The following CSMD1 variants were observed in gnomAD, a reference collection of about 807,000 sequenced individuals.
CSMD1 encodes the protein CUB and sushi domain-containing protein 1.
Under a neutral mutation model 417.5 loss-of-function variants are expected in CSMD1, and 213 were observed. The ratio of observed to expected loss-of-function variants is 0.51; its 90% CI spans 0.46 to 0.57. The LOEUF (loss-of-function observed/expected upper bound fraction) is 0.57, where lower values mean the gene tolerates loss of function less well. Ranked by LOEUF, CSMD1 falls within the 20% of genes least tolerant of loss-of-function variation. The probability of loss-of-function intolerance (pLI) is 0.00; values close to 1 mark genes in which losing one functional copy is unlikely to be tolerated. For missense variants in CSMD1, 6,923 were observed against 4,529.7 expected, an observed-to-expected ratio of 1.53 and a Z score of -15.17; for synonymous variants, 2,862 against 1,736.8, an observed-to-expected ratio of 1.65 and a Z score of -16.11.
At chr8:3,855,887 TCTTGCTTTATA>T (rs1379830532) in intron 5 of CSMD1, among the ~76,000 whole-genome samples, 1 of 152,242 alleles carries the variant, frequency 6.6e-6, no homozygotes, top group African/African-American at 2.4e-5. Context: ...TGTCTTATTT[TCTTGCTTTATA>T]CTTGCATTGC....
At chr8:3,793,991 C>G (rs760845418) in intron 5 of CSMD1, among the ~76,000 whole-genome samples, 4 of 152,180 alleles carry the variant, frequency 2.6e-5, no homozygotes, top group Non-Finnish European at 5.9e-5. Context: ...CTTTCCTCTT[C>G]CTGAACCCCT....
chr8:3,967,314 A>G (rs1415204260), intron 5 of CSMD1, among the ~76,000 whole-genome samples: 1 of 152,074 alleles, frequency 6.6e-6, no homozygotes, highest in African/African-American at 2.4e-5. Context: ...TTACACCTGA[A>G]TGGAAATGAT....
chr8:4,981,011 C>T (rs1018165302), intron 1 of CSMD1, among the ~76,000 whole-genome samples: 3 of 152,064 alleles, frequency 2.0e-5, no homozygotes, highest in Non-Finnish European at 4.4e-5. Context: ...TATTATTTCA[C>T]TTAGAGAAGG....
At chr8:3,703,797 A>G (rs2981370) in intron 7 of CSMD1, among the ~76,000 whole-genome samples, 145,588 of 152,214 alleles carry the variant, frequency 0.96, 69,697 homozygotes, top group East Asian at 1. Flanking sequence ...TCAGCTGGGC[A>G]TGGTGGCTCA....
At chr8:3,077,227 G>A (rs1397213605) in intron 49 of CSMD1, among the ~76,000 whole-genome samples, 1 of 151,154 alleles carries the variant, frequency 6.6e-6, no homozygotes, top group South Asian at 2.1e-4. Context: ...TGGTCATGGA[G>A]GACTAAACAG....
intron 2 of CSMD1, among the ~76,000 whole-genome samples, chr8:4,550,767 A>G (rs1797836992): frequency 6.6e-6 from 1 of 152,156 alleles, no homozygotes; most frequent in East Asian, 1.9e-4. Context: ...CTGAGCCCGG[A>G]GGCAGTTTAA....
At chr8:3,491,080 C>T (rs1343458067) in intron 11 of CSMD1, among the ~76,000 whole-genome samples, 1 of 152,070 alleles carries the variant, frequency 6.6e-6, no homozygotes, top group South Asian at 2.1e-4. Flanking sequence ...AAAAAGTATG[C>T]CAATGTCTAC....
At chr8:3,400,433 A>T (rs1438287368) in intron 15 of CSMD1, among the ~76,000 whole-genome samples, 1 of 152,124 alleles carries the variant, frequency 6.6e-6, no homozygotes, top group Non-Finnish European at 1.5e-5. Flanking sequence ...TAAAAATGCA[A>T]AAAGTTTATA....
At position 4,106,239 on chromosome 8, in the gene CSMD1, C is replaced by G. The variant is rs141644658; in HGVS notation, c.416-74140G>C. Among the ~76,000 whole-genome samples the G allele has an allele frequency of 4.9e-3, 747 of 152,334 alleles. 3 individuals carry two copies. The highest frequency in any genetic ancestry group is 0.014 in the African/African-American group (586 of 41,578). ...ATTGGGTCAGGGAGTGATCTATAAA[C>G]TTCCGAGCAGGATAAACACAAGTAT... On this transcript the variant is annotated intron_variant, in intron 3 of 69. Coordinates refer to ENST00000635120, the MANE Select transcript of CSMD1 (RefSeq NM_033225.6).
At chr8:4,354,865 A>AGTGTGTGTGTGT (rs59255397) in intron 3 of CSMD1, among the ~76,000 whole-genome samples, 7,311 of 129,358 alleles carry the variant, frequency 0.057, 289 homozygotes, top group Admixed American at 0.084. Flanking sequence ...AGGAAAATGT[A>AGTGTGTGTGTGT]GTGTGTGTGT....
chr8:4,284,745 T>TGATA (rs1302778110), intron 3 of CSMD1, among the ~76,000 whole-genome samples: 8 of 152,326 alleles, frequency 5.3e-5, no homozygotes, highest in African/African-American at 1.9e-4. Context: ...ATGTGTCAGA[T>TGATA]GATAGCCTTC....
At chr8:4,144,525 C>A (rs1803992668) in intron 3 of CSMD1, among the ~76,000 whole-genome samples, 1 of 151,014 alleles carries the variant, frequency 6.6e-6, no homozygotes. Flanking sequence ...CACCTCATTA[C>A]CCCTTCCCTC....
intron 2 of CSMD1, among the ~76,000 whole-genome samples, chr8:4,629,080 T>C (rs1232617490): frequency 6.6e-6 from 1 of 152,212 alleles, no homozygotes; most frequent in Non-Finnish European, 1.5e-5. Context: ...AGTCTACATT[T>C]ATATACTTAG....
intron 26 of CSMD1, among the ~76,000 whole-genome samples, chr8:3,262,001 C>T: frequency 6.6e-6 from 1 of 151,516 alleles, no homozygotes; most frequent in Admixed American, 6.6e-5. Context: ...TTGGGGGAAA[C>T]TGGGTAAAGT....
intron 1 of CSMD1, among the ~76,000 whole-genome samples, chr8:4,835,401 T>C (rs1800419580): frequency 1.3e-5 from 2 of 152,146 alleles, no homozygotes; most frequent in African/African-American, 4.8e-5. Flanking sequence ...GCATATGATT[T>C]CACCATTAGC....
chr8:3,604,459 T>C (rs59585574), intron 8 of CSMD1, among the ~76,000 whole-genome samples: 2,783 of 152,038 alleles, frequency 0.018, 41 homozygotes, highest in South Asian at 0.051. Flanking sequence ...TGTCAACATA[T>C]CATGGAAAAC....
chr8:3,953,765 T>G (rs1585025561), intron 5 of CSMD1, among the ~76,000 whole-genome samples: 3 of 152,068 alleles, frequency 2.0e-5, no homozygotes, highest in Admixed American at 2.0e-4. Flanking sequence ...ACGTGACAGC[T>G]GAGCTTATCC....
At chr8:4,580,292 C>G (rs1272242570) in intron 2 of CSMD1, among the ~76,000 whole-genome samples, 1 of 152,162 alleles carries the variant, frequency 6.6e-6, no homozygotes, top group African/African-American at 2.4e-5. Flanking sequence ...TGTCTCCATG[C>G]TCATTAATTT....
At chr8:4,057,573 A>G (rs1014339853) in intron 3 of CSMD1, among the ~76,000 whole-genome samples, 2 of 151,892 alleles carry the variant, frequency 1.3e-5, no homozygotes, top group Admixed American at 6.6e-5. Flanking sequence ...TTTTGTTGCC[A>G]TTGCTTTTGG....
Sources: gnomAD v4.1 joint callset for allele counts (sites outside exome capture counted in the v4.1 genomes callset) on GRCh38, gnomAD v4.1.1 for gene constraint, MANE v1.5 for transcripts, NCBI Gene and HGNC (gene_info 2026-07-23, HGNC 2026-07-21) for gene names.